The following UBE2G1 variants were observed in gnomAD, a reference collection of about 807,000 sequenced individuals.
UBE2G1 encodes ubiquitin conjugating enzyme E2 G1.
A neutral mutation model predicts 22.7 loss-of-function variants in UBE2G1; 5 were observed. The observed-to-expected ratio is 0.22, with a 90% CI of 0.12 to 0.46. The LOEUF is 0.46. UBE2G1 is among the 20% of genes least tolerant of loss of function. The pLI is 0.99. For missense variants in UBE2G1, 88 were observed against 203.9 expected (o/e 0.43, Z 3.46); for synonymous variants, 74 against 67.5 (o/e 1.10, Z -0.47).
chr17:4,348,323 G>A (rs1418306509), intron 1 of UBE2G1, among the ~76,000 whole-genome samples: 10 of 151,842 alleles, frequency 6.6e-5, no homozygotes, highest in African/African-American at 2.4e-4. Context: ...GGAGGCCGAG[G>A]CGGGCGGATC....
At chr17:4,307,680 C>T (rs866721436) in intron 1 of UBE2G1, among the ~76,000 whole-genome samples, 2 of 152,268 alleles carry the variant, frequency 1.3e-5, no homozygotes, top group African/African-American at 4.8e-5. Flanking sequence ...AGAGCAGGGG[C>T]CCCATATGTC....
chr17:4,366,430 C>A lies in UBE2G1; in HGVS notation c.-114G>T. 8.8e-7 allele frequency: 1 copy of A among 1,132,964 alleles called. No individual in the cohort carries two copies. The highest frequency in any genetic ancestry group is 2.3e-5 in the South Asian group (1 of 43,650). The allele number at this position is 1,132,964 out of a possible 1,614,324, so 70.2% of individuals were successfully genotyped here. ...AACCCGGGCCCCGCGACCGGAGCGC[C>A]GGAGCCGAGGAAGGCCGGGCTGAGG... On this transcript the variant is annotated 5_prime_UTR_variant, in exon 1 of 6. Coordinates refer to ENST00000396981, the MANE Select transcript of UBE2G1 (RefSeq NM_003342.5).
chr17:4,316,055 G>A (rs372616237), intron 1 of UBE2G1, among the ~76,000 whole-genome samples: 1 of 151,700 alleles, frequency 6.6e-6, no homozygotes, highest in East Asian at 2.0e-4. Context: ...CGCCCACCTC[G>A]GCCTCTCAAA....
At chr17:4,336,832 A>G (rs1180484949) in intron 1 of UBE2G1, among the ~76,000 whole-genome samples, 1 of 152,248 alleles carries the variant, frequency 6.6e-6, no homozygotes, top group Non-Finnish European at 1.5e-5. Flanking sequence ...ATATAAGAGT[A>G]TCATTTCCTG....
chr17:4,309,578 C>G (rs1969284540), intron 1 of UBE2G1, among the ~76,000 whole-genome samples: 1 of 152,184 alleles, frequency 6.6e-6, no homozygotes, highest in African/African-American at 2.4e-5. Flanking sequence ...ACAGAAAGTC[C>G]CACTTTCCTG....
At chr17:4,365,706 C>A (rs1426730522) in intron 1 of UBE2G1, among the ~76,000 whole-genome samples, 1 of 152,170 alleles carries the variant, frequency 6.6e-6, no homozygotes, top group East Asian at 1.9e-4. Flanking sequence ...GGCACCCTCG[C>A]GCCCGCGTGG....
chr17:4,363,157 T>A (rs1447399450), intron 1 of UBE2G1, among the ~76,000 whole-genome samples: 1 of 152,188 alleles, frequency 6.6e-6, no homozygotes, highest in Non-Finnish European at 1.5e-5. Context: ...TTTCACTGTG[T>A]GTAGTTATCG....
rs1443223932 is a variant in UBE2G1, at chr17:4,357,518, GGGT to G, written c.46+8750_46+8752del. ...GTGTGTGTGTGTGTGTGGGGGGGGG[GGGT>G]GGGTGTATAACTCTATGCAATTTTA... is the stretch of plus-strand genomic sequence containing the variant. On this transcript the variant is annotated intron_variant, in intron 1 of 5. Transcript: ENST00000396981. 5.2e-4 allele frequency among the ~76,000 whole-genome samples: 25 copies of G among 48,462 alleles called. 1 individual carries two copies. The highest frequency in any genetic ancestry group is 1.6e-3 in the African/African-American group (24 of 14,876). 31.8% of individuals were successfully genotyped at this position (48,462 alleles called of 152,430 possible).
At chr17:4,323,291 ATACTT>A (rs1969464799) in intron 1 of UBE2G1, among the ~76,000 whole-genome samples, 1 of 152,204 alleles carries the variant, frequency 6.6e-6, no homozygotes, top group South Asian at 2.1e-4. Flanking sequence ...AAACCCAACA[ATACTT>A]AAGAGCAACC....
chr17:4,291,074 C>T (rs1420437672), intron 3 of UBE2G1, among the ~76,000 whole-genome samples: 1 of 152,132 alleles, frequency 6.6e-6, no homozygotes, highest in Non-Finnish European at 1.5e-5. Context: ...CAGAATAACA[C>T]CGAGGGCCGG....
At chr17:4,299,100 C>T (rs1344805937) in intron 2 of UBE2G1, among the ~76,000 whole-genome samples, 11 of 151,984 alleles carry the variant, frequency 7.2e-5, no homozygotes, top group Non-Finnish European at 1.6e-4. Flanking sequence ...TTTTTGTTAA[C>T]AAAAATAGAA....
At chr17:4,363,690 C>G (rs970235161) in intron 1 of UBE2G1, among the ~76,000 whole-genome samples, 2 of 152,064 alleles carry the variant, frequency 1.3e-5, no homozygotes, top group South Asian at 4.1e-4. Flanking sequence ...CGGTGGCTCA[C>G]GTCTGTAATC....
At chr17:4,309,646 A>G (rs1969285338) in intron 1 of UBE2G1, among the ~76,000 whole-genome samples, 1 of 152,226 alleles carries the variant, frequency 6.6e-6, no homozygotes, top group Non-Finnish European at 1.5e-5. Flanking sequence ...TATTTTCTAC[A>G]TGACTGATCT....
At chr17:4,304,950 G>GA (rs1369083440) in intron 2 of UBE2G1, among the ~76,000 whole-genome samples, 1 of 147,582 alleles carries the variant, frequency 6.8e-6, no homozygotes, top group Middle Eastern at 3.4e-3. Context: ...AGTTTTTTAA[G>GA]AACTTTTTTT....
rs957970091 is a variant in UBE2G1, at chr17:4,303,796, A to G, written c.149+3225T>C. Among the ~76,000 whole-genome samples, 26 of 152,200 alleles carry G rather than the reference A, an allele frequency of 1.7e-4. 1 individual carries two copies. The highest frequency in any genetic ancestry group is 6.0e-4 in the African/African-American group (25 of 41,456). The stretch of plus-strand genomic sequence containing the variant: ...TTGGTTAACTGATTCTTCATTTTCT[A>G]TATCTACCCAAGGCAATACTACAAA... On this transcript the variant is annotated intron_variant, in intron 2 of 5. Transcript: ENST00000396981.
At chr17:4,361,166 T>C (rs934573712) in intron 1 of UBE2G1, among the ~76,000 whole-genome samples, 3 of 151,726 alleles carry the variant, frequency 2.0e-5, no homozygotes, top group Non-Finnish European at 4.4e-5. Context: ...GAGGTTGCAG[T>C]GAACCAAGAT....
At chr17:4,337,662 A>G (rs1174342125) in intron 1 of UBE2G1, among the ~76,000 whole-genome samples, 1 of 151,870 alleles carries the variant, frequency 6.6e-6, no homozygotes, top group Non-Finnish European at 1.5e-5. Context: ...TCAAAAAAAA[A>G]AAAAGAAAAG....
At chr17:4,364,322 GCT>G (rs1427208167) in intron 1 of UBE2G1, 14 of 121,408 alleles carry the variant, frequency 1.2e-4, no homozygotes, top group Non-Finnish European at 2.4e-4. Flanking sequence ...ACACAGTCTC[GCT>G]CTGTCGCCCA....
chr17:4,343,808 C>T (rs538657397), intron 1 of UBE2G1, among the ~76,000 whole-genome samples: 4 of 151,616 alleles, frequency 2.6e-5, no homozygotes, highest in East Asian at 2.0e-4. Flanking sequence ...AGGATGGTCT[C>T]GATCTCCTGA....
Sources: gnomAD v4.1 joint callset for allele counts (sites outside exome capture counted in the v4.1 genomes callset) on GRCh38, gnomAD v4.1.1 for gene constraint, MANE v1.5 for transcripts, NCBI Gene and HGNC (gene_info 2026-07-23, HGNC 2026-07-21) for gene names.